Variants in CACNA2D4 observed in about 807,000 individuals in gnomAD.
CACNA2D4 encodes calcium voltage-gated channel auxiliary subunit alpha2delta 4.
Under a neutral mutation model 163.8 loss-of-function variants are expected in CACNA2D4, and 157 were observed. The observed-to-expected ratio is 0.96, with a 90% CI of 0.84 to 1.09. The LOEUF (loss-of-function observed/expected upper bound fraction) is 1.09. Among genes scored for constraint, CACNA2D4 ranks in the 50% least tolerant of loss-of-function variants. The pLI, the probability that CACNA2D4 is intolerant of heterozygous loss-of-function variation, is 0.00. For synonymous variants in CACNA2D4, 598 were observed against 586.9 expected, an observed-to-expected ratio of 1.02 and a Z score of -0.27; for missense variants, 1,410 against 1,479.9, an observed-to-expected ratio of 0.95 and a Z score of 0.78.
chr12:1,887,515 G>C (rs1866177081), intron 6 of CACNA2D4, among the ~76,000 whole-genome samples: 1 of 152,186 alleles, frequency 6.6e-6, no homozygotes, highest in Non-Finnish European at 1.5e-5. Context: ...GGCTGGGATG[G>C]GAGAAATGAT....
At chr12:1,845,681 C>T (rs981904667) in intron 24 of CACNA2D4, among the ~76,000 whole-genome samples, 1 of 152,158 alleles carries the variant, frequency 6.6e-6, no homozygotes, top group African/African-American at 2.4e-5. Flanking sequence ...CGCTCGGCCC[C>T]TAACCCCTCC....
At chr12:1,826,079 C>T (rs978427554) in intron 26 of CACNA2D4, among the ~76,000 whole-genome samples, 8 of 152,236 alleles carry the variant, frequency 5.3e-5, no homozygotes, top group African/African-American at 1.9e-4. Context: ...TGAGAAACAA[C>T]CTCACAGGGG....
intron 26 of CACNA2D4, among the ~76,000 whole-genome samples, chr12:1,826,337 A>T (rs1333033125): frequency 1.3e-5 from 2 of 151,958 alleles, no homozygotes; most frequent in Non-Finnish European, 2.9e-5. Flanking sequence ...AGACAGAAAG[A>T]AGCTGAGGCC....
chr12:1,887,951 C>A (rs1177366727), intron 6 of CACNA2D4, among the ~76,000 whole-genome samples: 1 of 152,172 alleles, frequency 6.6e-6, no homozygotes, highest in East Asian at 1.9e-4. Flanking sequence ...GCATTGCTGG[C>A]ATCTCAAAGG....
At chr12:1,819,124 G>A (rs1160484603) in intron 26 of CACNA2D4, among the ~76,000 whole-genome samples, 2 of 152,190 alleles carry the variant, frequency 1.3e-5, no homozygotes, top group African/African-American at 2.4e-5. Context: ...GTGGTGTTCC[G>A]GGGAAACGTC....
intron 13 of CACNA2D4, among the ~76,000 whole-genome samples, chr12:1,881,518 G>A (rs112730123): frequency 2.6e-5 from 4 of 152,352 alleles, no homozygotes; most frequent in African/African-American, 7.2e-5. Flanking sequence ...ACGGAGCACC[G>A]GAGCCCTGGC....
In CACNA2D4 at chr12:1,854,030, C is replaced by T. The variant is rs1865346973; in HGVS notation, c.2167G>A (p.Val723Ile). 6.2e-7 allele frequency: 1 copy of T among 1,610,968 alleles called. No homozygotes were observed. Among genetic ancestry groups the T allele is most frequent in the Non-Finnish European group, 8.5e-7 (1 of 1,178,174 alleles). ...DPDLECDEEL[V>I]REVLFDAVVT... is the part of the protein sequence containing the mutation. ...ACCGCGTCAAACAGCACCTCCCGGA[C>T]CAGCTCCTCGTCACCTGGGTGCAAA... Residue 723 changes from valine to isoleucine, a missense_variant, in exon 23 of 38, where the codon GTC becomes ATC. Physicochemically the swap from Val to Ile is conservative, Grantham distance 29 (BLOSUM62 3). Transcript: ENST00000382722.
At chr12:1,854,463 T>C (rs1440340151) in intron 22 of CACNA2D4, among the ~76,000 whole-genome samples, 1 of 152,178 alleles carries the variant, frequency 6.6e-6, no homozygotes, top group Non-Finnish European at 1.5e-5. Context: ...TGGAGTACAG[T>C]GGCATGATCT....
At chr12:1,823,735 C>G (rs1466363007) in intron 26 of CACNA2D4, among the ~76,000 whole-genome samples, 1 of 152,226 alleles carries the variant, frequency 6.6e-6, no homozygotes, top group Non-Finnish European at 1.5e-5. Flanking sequence ...GCTTGCATCT[C>G]AGTCCAGCAA....
chr12:1,891,993 G>A (rs1213391759), intron 6 of CACNA2D4, among the ~76,000 whole-genome samples: 1 of 152,136 alleles, frequency 6.6e-6, no homozygotes, highest in African/African-American at 2.4e-5. Flanking sequence ...AAAAAGGATG[G>A]AAAGTCTATT....
At chr12:1,865,268 C>A (rs77370373) in intron 18 of CACNA2D4, among the ~76,000 whole-genome samples, 1 of 152,224 alleles carries the variant, frequency 6.6e-6, no homozygotes, top group Non-Finnish European at 1.5e-5. Flanking sequence ...TCTCGCTGTT[C>A]GTGCGGACCT....
intron 23 of CACNA2D4, 66 bp from the exon 24 acceptor site, chr12:1,846,755 A>G: frequency 7.4e-7 from 1 of 1,347,766 alleles, no homozygotes; most frequent in African/African-American, 1.4e-5. Context: ...GGCGACCTGC[A>G]GGGGTTTGGG....
intron 26 of CACNA2D4, among the ~76,000 whole-genome samples, chr12:1,838,654 A>G (rs1000346704): frequency 2.6e-5 from 4 of 152,108 alleles, no homozygotes; most frequent in African/African-American, 9.7e-5. Flanking sequence ...TTCTATGGCA[A>G]CCCCTCTCGG....
In CACNA2D4 at chr12:1,801,030, G is replaced by A. The variant is rs1446611938; in HGVS notation, c.2868+13C>T. The stretch of plus-strand genomic sequence containing the variant: ...TGGCTGGCTGGCAGAGGGAAGGGCT[G>A]GGTGACACTCACGCTGACCAGGGGC... On this transcript the variant is annotated intron_variant, in intron 31 of 37. Transcript: ENST00000382722. 2.5e-6 allele frequency: 4 copies of A among 1,611,940 alleles called. No homozygotes were observed. The highest frequency in any genetic ancestry group is 4.0e-4 in the Middle Eastern group (2 of 5,040).
At chr12:1,902,674 C>T (rs953026450) in intron 6 of CACNA2D4, among the ~76,000 whole-genome samples, 1 of 151,930 alleles carries the variant, frequency 6.6e-6, no homozygotes, top group Non-Finnish European at 1.5e-5. Flanking sequence ...TGAAAGTTCT[C>T]TACAAGGAAA....
chr12:1,866,996 T>C (rs1159466260), intron 18 of CACNA2D4, among the ~76,000 whole-genome samples: 1 of 152,164 alleles, frequency 6.6e-6, no homozygotes, highest in Non-Finnish European at 1.5e-5. Flanking sequence ...TCTACAGAAA[T>C]TTGAGTAGAC....
chr12:1,796,264 G>T (rs1019880863), intron 35 of CACNA2D4, among the ~76,000 whole-genome samples: 1 of 152,190 alleles, frequency 6.6e-6, no homozygotes, highest in Non-Finnish European at 1.5e-5. Context: ...GAGCCCGCCC[G>T]CCAGGCCCAC....
Position 1,811,727 on chromosome 12 carries a change from C to T in CACNA2D4, c.2552-4G>A. 1 of 1,558,542 alleles carries T rather than the reference C, an allele frequency of 6.4e-7. No individual in the cohort carries two copies. Among genetic ancestry groups the T allele is most frequent in the Non-Finnish European group, 8.7e-7 (1 of 1,150,726 alleles). On this transcript the variant is annotated splice_polypyrimidine_tract_variant and splice_region_variant and intron_variant, in intron 26 of 37. Coordinates refer to ENST00000382722, the MANE Select transcript of CACNA2D4 (RefSeq NM_172364.5). ...AGCTTCATTTGGACGCCCGCGGCTA[C>T]AGGGCAGAAAGAGAGAGGGCAAGGC...
intron 18 of CACNA2D4, among the ~76,000 whole-genome samples, chr12:1,867,688 T>A (rs1184120442): frequency 6.6e-6 from 1 of 152,124 alleles, no homozygotes; most frequent in Non-Finnish European, 1.5e-5. Flanking sequence ...TTATAAAATA[T>A]ATGGTTTGCA....
Sources: gnomAD v4.1 joint callset for allele counts (sites outside exome capture counted in the v4.1 genomes callset) on GRCh38, gnomAD v4.1.1 for gene constraint, MANE v1.5 for transcripts, NCBI Gene and HGNC (gene_info 2026-07-23, HGNC 2026-07-21) for gene names.